Variants in RBFOX3 observed in about 807,000 individuals in gnomAD.
RBFOX3 encodes RNA binding fox-1 homolog 3, also known as RNA binding protein fox-1 homolog 3.
RBFOX3 carries 17 observed loss-of-function variants against 48.7 expected under a neutral mutation model. That is an observed-to-expected ratio of 0.35 (90% CI 0.24 to 0.52). RBFOX3 has a LOEUF of 0.52. Among genes scored for constraint, RBFOX3 ranks in the 20% least tolerant of loss-of-function variants. The pLI is 0.94. For synonymous variants in RBFOX3, 212 were observed against 209.5 expected (o/e 1.01, Z -0.10); for missense variants, 382 against 497.5 (o/e 0.77, Z 2.21).
intron 2 of RBFOX3, among the ~76,000 whole-genome samples, chr17:79,405,399 T>C (rs1030448813): frequency 2.4e-5 from 1 of 41,082 alleles, no homozygotes; most frequent in Admixed American, 4.0e-4. Context: ...GGTTTGACAT[T>C]TGTTTACATT....
At chr17:79,424,632 C>T (rs118039370) in intron 2 of RBFOX3, among the ~76,000 whole-genome samples, 2,714 of 152,160 alleles carry the variant, frequency 0.018, 45 homozygotes, top group Non-Finnish European at 0.027. Flanking sequence ...TCCAAGGGCT[C>T]GGTCCAGCCC....
chr17:79,513,898 G>A (rs2084877645), intron 1 of RBFOX3, among the ~76,000 whole-genome samples: 1 of 152,170 alleles, frequency 6.6e-6, no homozygotes. Flanking sequence ...ACATCTGGTA[G>A]CCAGCTCACC....
the RBFOX3 span, among the ~76,000 whole-genome samples, chr17:79,638,903 G>C: frequency 2.0e-5 from 3 of 152,156 alleles, no homozygotes; most frequent in Non-Finnish European, 4.4e-5. Flanking sequence ...TTTGTAGTCT[G>C]TGAGCCAAAT....
At chr17:79,468,197 C>T (rs2076564654) in intron 2 of RBFOX3, among the ~76,000 whole-genome samples, 1 of 152,164 alleles carries the variant, frequency 6.6e-6, no homozygotes. Context: ...CCAAAATCAA[C>T]TTCACAATAA....
At chr17:79,301,007 C>T (rs184481815) in intron 3 of RBFOX3, among the ~76,000 whole-genome samples, 20 of 152,340 alleles carry the variant, frequency 1.3e-4, no homozygotes, top group African/African-American at 4.1e-4. Flanking sequence ...GGAGAACATG[C>T]CCTTTTTCCT....
chr17:79,662,467 C>T, the RBFOX3 span, among the ~76,000 whole-genome samples: 130,089 of 151,878 alleles, frequency 0.86, 56,436 homozygotes, highest in Non-Finnish European at 0.93. Context: ...TCCAGCACCA[C>T]AGGTTGCTGG....
In RBFOX3 at chr17:79,479,338, A is replaced by G. The variant is rs918326437; in HGVS notation, c.-175+3116T>C. ...CACACCTGACCTCAGATGTGTGTAC[A>G]TGGCCCTCTTCCTTCAGACACCCGC... On this transcript the variant is annotated intron_variant, in intron 2 of 14. Transcript: ENST00000693108. The surrounding 1 kb of genome is among the most constrained non-coding windows in gnomAD (Gnocchi z 5.1). Among the ~76,000 whole-genome samples the G allele has an allele frequency of 3.3e-5, 5 of 152,258 alleles. No homozygotes were observed. The highest frequency in any genetic ancestry group is 1.9e-4 in the East Asian group (1 of 5,174).
intron 4 of RBFOX3, among the ~76,000 whole-genome samples, chr17:79,183,005 C>T (rs1404419389): frequency 6.6e-6 from 1 of 150,778 alleles, no homozygotes; most frequent in African/African-American, 2.4e-5. Flanking sequence ...CCTCCCGCGC[C>T]TTCGGAAAAG....
chr17:79,206,479 G>T (rs1407903562), intron 4 of RBFOX3, among the ~76,000 whole-genome samples: 1 of 152,186 alleles, frequency 6.6e-6, no homozygotes, highest in East Asian at 1.9e-4. Flanking sequence ...GATGGTTGAG[G>T]CTGGCCGTCA....
Position 79,104,924 on chromosome 17 carries a change from A to ACGGTGACCTGAACCGAGGCCCTGC in RBFOX3, c.361-799_361-798insGCAGGGCCTCGGTTCAGGTCACCG, listed in dbSNP as rs55759994. Among the ~76,000 whole-genome samples, 3 of 152,128 alleles carry ACGGTGACCTGAACCGAGGCCCTGC rather than the reference A, an allele frequency of 2.0e-5. No individual in the cohort carries two copies. The East Asian group carries it at 5.8e-4, about 30-fold the overall frequency. ...CTGTGCTGGCGTGCGGTGCTGAGCA[A>ACGGTGACCTGAACCGAGGCCCTGC]CTGTTCAGGTCGTTTGGGCCAGCTG... is the stretch of plus-strand genomic sequence containing the variant. On this transcript the variant is annotated intron_variant, in intron 6 of 14. Coordinates refer to ENST00000693108, the MANE Select transcript of RBFOX3 (RefSeq NM_001350451.2).
chr17:79,155,100 G>A (rs2045487672), intron 4 of RBFOX3, among the ~76,000 whole-genome samples: 1 of 152,264 alleles, frequency 6.6e-6, no homozygotes, highest in East Asian at 1.9e-4. Flanking sequence ...TCGGCCCAGC[G>A]GTTCCCGGGG....
the RBFOX3 span, among the ~76,000 whole-genome samples, chr17:79,619,964 C>T: frequency 6.6e-6 from 1 of 152,248 alleles, no homozygotes; most frequent in Non-Finnish European, 1.5e-5. Context: ...ACCCTGGAGC[C>T]CAAGCCAACC....
Position 79,090,465 on chromosome 17 carries a change from G to A in RBFOX3, c.*418C>T. 2 of 183,266 alleles carry A rather than the reference G, an allele frequency of 1.1e-5. No individual in the cohort carries two copies. The highest frequency in any genetic ancestry group is 2.3e-5 in the Non-Finnish European group (2 of 88,434). 11.4% of individuals were successfully genotyped at this position (183,266 alleles called of 1,614,324 possible). On this transcript the variant is annotated 3_prime_UTR_variant, in exon 15 of 15. Coordinates refer to ENST00000693108, the MANE Select transcript of RBFOX3 (RefSeq NM_001350451.2). ...TTGCTAGCAGCGCCTGCCTGCTCAGGCCCGGGCCTGCTCCGCCGCCGCTGG... is the reference window on the plus strand; with the variant it reads ...TTGCTAGCAGCGCCTGCCTGCTCAGACCCGGGCCTGCTCCGCCGCCGCTGG...
rs542409202 is a variant in RBFOX3, at chr17:79,251,873, C to A, written c.-73-16068G>T. Reference sequence around the variant, plus strand: ...GGCTCCCCCACCAGGGGTCTGCCCTCAGGCTGAGGAGAGCGTCTTACAGCT... The same window carrying A: ...GGCTCCCCCACCAGGGGTCTGCCCTAAGGCTGAGGAGAGCGTCTTACAGCT... On this transcript the variant is annotated intron_variant, in intron 3 of 14. Coordinates refer to ENST00000693108, the MANE Select transcript of RBFOX3 (RefSeq NM_001350451.2). Among the ~76,000 whole-genome samples, 7 of 152,348 alleles carry A rather than the reference C, an allele frequency of 4.6e-5. No individual in the cohort carries two copies. The South Asian group carries it at 1.4e-3, about 32-fold the overall frequency.
intron 2 of RBFOX3, among the ~76,000 whole-genome samples, chr17:79,369,912 G>A (rs750996316): frequency 4.6e-5 from 7 of 152,148 alleles, no homozygotes; most frequent in Non-Finnish European, 7.4e-5. Context: ...CAGCTACGTC[G>A]GTGCAGAGTG....
At chr17:79,329,244 A>G (rs11077428) in intron 2 of RBFOX3, among the ~76,000 whole-genome samples, 63,192 of 151,834 alleles carry the variant, frequency 0.42, 13,480 homozygotes, top group Middle Eastern at 0.55. Flanking sequence ...TCTGCTCTGT[A>G]TGGAAACAAA....
intron 2 of RBFOX3, among the ~76,000 whole-genome samples, chr17:79,430,965 C>T (rs2068325590): frequency 2.0e-5 from 3 of 151,948 alleles, no homozygotes; most frequent in Admixed American, 1.3e-4. Flanking sequence ...ACATCAATTT[C>T]ACCAGAAAGC....
chr17:79,292,243 C>T (rs1259037055), intron 3 of RBFOX3, among the ~76,000 whole-genome samples: 1 of 152,090 alleles, frequency 6.6e-6, no homozygotes, highest in Non-Finnish European at 1.5e-5. Flanking sequence ...GGACTAAGAG[C>T]AAAACCAGGG....
At chr17:79,149,998 G>T (rs866482304) in intron 4 of RBFOX3, among the ~76,000 whole-genome samples, 3 of 13,378 alleles carry the variant, frequency 2.2e-4, no homozygotes, top group Non-Finnish European at 5.1e-4. Flanking sequence ...GATGGGGGTG[G>T]GGGTGGGGGA....
Sources: allele counts gnomAD v4.1 joint callset (sites outside exome capture counted in the v4.1 genomes callset), GRCh38; gene constraint gnomAD v4.1.1; non-coding constraint Gnocchi (gnomAD v3.1); transcripts MANE v1.5; gene names NCBI Gene and HGNC (gene_info 2026-07-23, HGNC 2026-07-21).